The following ZNF385B variants were observed in gnomAD, a reference collection of about 807,000 sequenced individuals.
ZNF385B encodes the protein zinc finger protein 533.
In ZNF385B, 23 loss-of-function variants were observed where a neutral mutation model predicts 39.2. The ratio of observed to expected loss-of-function variants is 0.59; its 90% CI spans 0.42 to 0.83. ZNF385B has a LOEUF of 0.83. Ranked by LOEUF, ZNF385B falls within the 40% of genes least tolerant of loss-of-function variation. ZNF385B has a pLI of 0.00. For missense variants in ZNF385B, 552 were observed against 598.9 expected, an observed-to-expected ratio of 0.92 and a Z score of 0.82; for synonymous variants, 205 against 222.6, an observed-to-expected ratio of 0.92 and a Z score of 0.70.
intron 1 of ZNF385B, among the ~76,000 whole-genome samples, chr2:179,824,272 T>TTTGGAGCTAGAAGG (rs1356611964): frequency 6.6e-6 from 1 of 152,098 alleles, no homozygotes; most frequent in African/African-American, 2.4e-5. Flanking sequence ...CTTAAACCAA[T>TTTGGAGCTAGAAGG]GAGAGCCCTT....
At chr2:179,616,645 T>G (rs3106707) in intron 3 of ZNF385B, among the ~76,000 whole-genome samples, 151,980 of 152,272 alleles carry the variant, frequency 1, 75,845 homozygotes, top group Non-Finnish European at 1. Context: ...CTGCAGCCTT[T>G]AACTCCTGGG....
Position 179,822,667 on chromosome 2 carries a change from G to T in ZNF385B, c.-155+38434C>A, listed in dbSNP as rs184324303. Among the ~76,000 whole-genome samples, 4 of 152,146 alleles carry T rather than the reference G, an allele frequency of 2.6e-5. No homozygotes were observed. The East Asian group carries it at 7.7e-4, about 29-fold the overall frequency. ...GAGGCTGGCATGTGTTTACCATTTG[G>T]GTATAGAGGTAGCAAACCTACACAT... On this transcript the variant is annotated intron_variant, in intron 1 of 9. Transcript: ENST00000410066.
chr2:179,701,971 A>C (rs1441351309), intron 3 of ZNF385B, among the ~76,000 whole-genome samples: 2 of 152,212 alleles, frequency 1.3e-5, no homozygotes. Flanking sequence ...CAGCTAAGGA[A>C]TGTGAGTGAA....
intron 6 of ZNF385B, among the ~76,000 whole-genome samples, chr2:179,466,938 AAAAAAAG>A (rs1304745565): frequency 2.4e-4 from 36 of 148,798 alleles, no homozygotes; most frequent in African/African-American, 8.6e-4. Context: ...AAAAAAAAAA[AAAAAAAG>A]AGAGAGAGAA....
chr2:179,742,305 C>A (rs1464411231), intron 3 of ZNF385B, among the ~76,000 whole-genome samples: 1 of 152,066 alleles, frequency 6.6e-6, no homozygotes, highest in Non-Finnish European at 1.5e-5. Flanking sequence ...GAATGTGCAG[C>A]CTCCATTTTG....
At chr2:179,658,743 T>A (rs147172685) in intron 3 of ZNF385B, among the ~76,000 whole-genome samples, 2 of 152,336 alleles carry the variant, frequency 1.3e-5, no homozygotes, top group African/African-American at 4.8e-5. Context: ...GTTTACTATA[T>A]CCCCAATAGG....
Position 179,791,367 on chromosome 2 carries a change from C to A in ZNF385B, c.-154-20695G>T, listed in dbSNP as rs539221323. ...GTAACTTTTGAAGACTTATCTGAAA[C>A]CCTGAGAGCTATACTGACATCCTCA... On this transcript the variant is annotated intron_variant, in intron 1 of 9. Transcript: ENST00000410066. Among the ~76,000 whole-genome samples the A allele has an allele frequency of 4.6e-5, 7 of 152,248 alleles. No homozygotes were observed. In the East Asian group the frequency reaches 7.7e-4, roughly 17 times the overall value.
intron 5 of ZNF385B, among the ~76,000 whole-genome samples, chr2:179,494,017 G>C (rs2055878314): frequency 6.6e-6 from 1 of 151,232 alleles, no homozygotes; most frequent in Non-Finnish European, 1.5e-5. Flanking sequence ...ATATATATTA[G>C]TGTTAACAGA....
At chr2:179,792,620 C>CA (rs1705411373) in intron 1 of ZNF385B, among the ~76,000 whole-genome samples, 1 of 122,808 alleles carries the variant, frequency 8.1e-6, no homozygotes. Context: ...GGTGATCCAC[C>CA]TGCCTTGGCC....
chr2:179,458,140 T>C (rs1004072980), intron 6 of ZNF385B, among the ~76,000 whole-genome samples: 1 of 152,226 alleles, frequency 6.6e-6, no homozygotes, highest in Admixed American at 6.5e-5. Flanking sequence ...CCATATGATA[T>C]GGTTTGGCTG....
chr2:179,744,596 G>C (rs1702272382), intron 3 of ZNF385B, among the ~76,000 whole-genome samples: 1 of 152,066 alleles, frequency 6.6e-6, no homozygotes, highest in Non-Finnish European at 1.5e-5. Flanking sequence ...GGCAGTAAAA[G>C]AGGTTCTCGA....
At chr2:179,617,969 C>G (rs2106153554) in intron 3 of ZNF385B, among the ~76,000 whole-genome samples, 1 of 152,232 alleles carries the variant, frequency 6.6e-6, no homozygotes, top group East Asian at 1.9e-4. Context: ...ACACGTTTCT[C>G]CCGTGCTCAC....
At chr2:179,794,251 T>C (rs1705514559) in intron 1 of ZNF385B, among the ~76,000 whole-genome samples, 1 of 152,196 alleles carries the variant, frequency 6.6e-6, no homozygotes, top group Non-Finnish European at 1.5e-5. Flanking sequence ...CTTACCATTA[T>C]GCCCACCCAA....
At chr2:179,455,028 C>A (rs1371252186) in intron 6 of ZNF385B, among the ~76,000 whole-genome samples, 1 of 152,078 alleles carries the variant, frequency 6.6e-6, no homozygotes, top group Middle Eastern at 3.2e-3. Context: ...ATAGGAATGT[C>A]CTGGGCCTTC....
intron 3 of ZNF385B, among the ~76,000 whole-genome samples, chr2:179,549,600 G>T (rs770183782): frequency 1.3e-5 from 2 of 149,520 alleles, no homozygotes; most frequent in Non-Finnish European, 3.0e-5. Flanking sequence ...CAGTTTCCCA[G>T]ACTCATTAAA....
intron 6 of ZNF385B, among the ~76,000 whole-genome samples, chr2:179,471,279 C>T (rs1359469162): frequency 6.6e-6 from 1 of 152,082 alleles, no homozygotes; most frequent in Non-Finnish European, 1.5e-5. Flanking sequence ...CCCCATGATA[C>T]ATACCTCATC....
chr2:179,706,338 G>C (rs989876009), intron 3 of ZNF385B, among the ~76,000 whole-genome samples: 1 of 152,132 alleles, frequency 6.6e-6, no homozygotes, highest in African/African-American at 2.4e-5. Context: ...ACTGCCACTG[G>C]AGTCCCCTGT....
At chr2:179,572,127 G>A (rs982133238) in intron 3 of ZNF385B, among the ~76,000 whole-genome samples, 4 of 152,044 alleles carry the variant, frequency 2.6e-5, no homozygotes, top group Non-Finnish European at 5.9e-5. Flanking sequence ...GGTGGGCCAG[G>A]AGCCACTTTG....
At chr2:179,593,960 T>C (rs1239961661) in intron 3 of ZNF385B, among the ~76,000 whole-genome samples, 8 of 152,176 alleles carry the variant, frequency 5.3e-5, no homozygotes, top group Non-Finnish European at 8.8e-5. Flanking sequence ...ACAATTTTCA[T>C]TTCCAGGGCA....
Sources: gnomAD v4.1 joint callset for allele counts (sites outside exome capture counted in the v4.1 genomes callset) on GRCh38, gnomAD v4.1.1 for gene constraint, MANE v1.5 for transcripts, NCBI Gene and HGNC (gene_info 2026-07-23, HGNC 2026-07-21) for gene names.